The following ESCO2 variants were observed in gnomAD, a reference collection of about 807,000 sequenced individuals.
ESCO2 encodes N-acetyltransferase ESCO2.
ESCO2 carries 51 observed loss-of-function variants against 61.7 expected under a neutral mutation model. That is an observed-to-expected ratio of 0.83 (90% CI 0.66 to 1.04). The LOEUF (loss-of-function observed/expected upper bound fraction) is 1.04. ESCO2 is among the 50% of genes least tolerant of loss of function. ESCO2 has a pLI of 0.00. For synonymous variants in ESCO2, 230 were observed against 238.2 expected (o/e 0.97, Z 0.32); for missense variants, 692 against 686.2 (o/e 1.01, Z -0.09).
At chr8:27,807,896 G>A (rs914834951), downstream of ESCO2, among the ~76,000 whole-genome samples, 4 of 152,042 alleles carry the variant, frequency 2.6e-5, no homozygotes, top group African/African-American at 4.8e-5. Context: ...ATAGAGGGTC[G>A]GGGAGCTCCC....
Position 27,804,142 on chromosome 8 carries a change from A to G in ESCO2, c.*704A>G. On this transcript the variant is annotated 3_prime_UTR_variant, in exon 11 of 11. Coordinates refer to ENST00000305188, the MANE Select transcript of ESCO2 (RefSeq NM_001017420.3). ...TTTATTTGTAACAAGATGGTAAGGA[A>G]TAAGATTATCCCATATGCATTTCTG... The G allele has an allele frequency of 1.0e-6, 1 of 985,418 alleles. No homozygotes were observed. The highest frequency in any genetic ancestry group is 1.2e-6 in the Non-Finnish European group (1 of 829,908). 61.0% of individuals were successfully genotyped at this position (985,418 alleles called of 1,614,324 possible).
At chr8:27,809,369 C>T (rs1205967289), downstream of ESCO2, among the ~76,000 whole-genome samples, 3 of 152,144 alleles carry the variant, frequency 2.0e-5, no homozygotes, top group Non-Finnish European at 4.4e-5. Context: ...GCAGTTGTTC[C>T]TAATGTTTCT....
At chr8:27,799,836 G>A in intron 10 of ESCO2, 120 bp downstream of exon 10, 1 of 1,206,198 alleles carries the variant, frequency 8.3e-7, no homozygotes, top group Non-Finnish European at 1.2e-6. Flanking sequence ...TACTATTAAA[G>A]TCAGGCTAAG....
At chr8:27,783,556 T>C (rs1306036740) in intron 4 of ESCO2, among the ~76,000 whole-genome samples, 1 of 152,182 alleles carries the variant, frequency 6.6e-6, no homozygotes, top group Non-Finnish European at 1.5e-5. Context: ...TCATGAAGAT[T>C]TTTCCCTAAT....
downstream of ESCO2, chr8:27,810,470 A>T: frequency 6.2e-7 from 1 of 1,603,136 alleles, no homozygotes; most frequent in Non-Finnish European, 8.5e-7. Context: ...AGTATGCTTC[A>T]TCATCAAAAT....
chr8:27,791,906 T>A, intron 7 of ESCO2, 57 bp from the exon 8 acceptor site: 1 of 1,415,872 alleles, frequency 7.1e-7, no homozygotes, highest in Non-Finnish European at 9.9e-7. Context: ...TTATTTAATG[T>A]TGGTTTTTTT....
chr8:27,804,878 C>T lies in ESCO2; in HGVS notation c.*1440C>T, dbSNP rs1805527295. ...TTTGCTTAATGCTTTTGTTATGAAT[C>T]AATTAAAATTCTTTATTTTATACAA... is the stretch of plus-strand genomic sequence containing the variant. On this transcript the variant is annotated 3_prime_UTR_variant, in exon 11 of 11. Transcript: ENST00000305188. 1 of 545,654 alleles carries T rather than the reference C, an allele frequency of 1.8e-6. No homozygotes were observed. The highest frequency in any genetic ancestry group is 2.3e-6 in the Non-Finnish European group (1 of 428,458). 33.8% of individuals were successfully genotyped at this position (545,654 alleles called of 1,614,324 possible).
At chr8:27,777,311 ATTTAT>A (rs1270083581) in intron 3 of ESCO2, 142 bp downstream of exon 3, 1 of 777,432 alleles carries the variant, frequency 1.3e-6, no homozygotes, top group Admixed American at 3.2e-5. Context: ...GAGTTTATTT[ATTTAT>A]TTATTTTAAG....
chr8:27,810,707 T>C (rs917091660), downstream of ESCO2, among the ~76,000 whole-genome samples: 2 of 152,156 alleles, frequency 1.3e-5, no homozygotes, highest in African/African-American at 4.8e-5. Flanking sequence ...CCCCTACTTT[T>C]ACCCTTCCTG....
At chr8:27,787,356 A>C (rs114321936) in intron 5 of ESCO2, among the ~76,000 whole-genome samples, 1 of 151,444 alleles carries the variant, frequency 6.6e-6, no homozygotes. Context: ...AGAATTTCAC[A>C]GTAGTGAGAT....
chr8:27,817,473 G>T (rs1364626827), downstream of ESCO2, among the ~76,000 whole-genome samples: 1 of 151,860 alleles, frequency 6.6e-6, no homozygotes, highest in African/African-American at 2.4e-5. Flanking sequence ...CAGATTTAAT[G>T]TGTTAGTATC....
downstream of ESCO2, chr8:27,810,128 AG>A: frequency 1.8e-6 from 1 of 570,182 alleles, no homozygotes; most frequent in Non-Finnish European, 3.1e-6. Flanking sequence ...TACAATTCCA[AG>A]TGCTTATAGC....
rs1042167898 is a variant in ESCO2 at position 27,776,623 on chromosome 8, T to G, written c.315T>G (p.Ser105Arg). The change falls in exon 3 of 11, where the codon AGT (serine) becomes AGG (arginine). Residue 105 changes from serine (S) to arginine (R), a missense_variant. Transcript: ENST00000305188. ...TGGAGAGAAAGCTGATAAAAGAGAG[T>G]AGATCTACTTGTCTAAAAACTAATG... Reference protein sequence around the residue: ...NPLERKLIKESRSTCLKTNDE... With the variant: ...NPLERKLIKERRSTCLKTNDE... 6.2e-7 allele frequency: 1 copy of G among 1,613,838 alleles called. No individual in the cohort carries two copies. The highest frequency in any genetic ancestry group is 1.3e-5 in the African/African-American group (1 of 74,932).
intron 3 of ESCO2, chr8:27,778,935 AG>A (rs1284196404): frequency 1.3e-5 from 2 of 152,226 alleles, no homozygotes; most frequent in Admixed American, 1.3e-4. Flanking sequence ...TTTTATTTTG[AG>A]ATGGAGTCTC....
downstream of ESCO2, among the ~76,000 whole-genome samples, chr8:27,813,392 C>T (rs1805737499): frequency 6.6e-6 from 1 of 151,868 alleles, no homozygotes; most frequent in Non-Finnish European, 1.5e-5. Flanking sequence ...AGCAAACCAA[C>T]ATGGCACATG....
At chr8:27,809,240 A>G (rs1191298503), downstream of ESCO2, among the ~76,000 whole-genome samples, 1 of 152,146 alleles carries the variant, frequency 6.6e-6, no homozygotes, top group East Asian at 1.9e-4. Flanking sequence ...ACAACTTCCA[A>G]TTTACTTGTC....
intron 10 of ESCO2, among the ~76,000 whole-genome samples, chr8:27,800,332 A>C (rs893390929): frequency 5.9e-5 from 9 of 152,250 alleles, no homozygotes; most frequent in Non-Finnish European, 1.0e-4. Flanking sequence ...TTCAGTAGAC[A>C]TTTCTCCAAA....
chr8:27,816,609 C>T (rs1360243914), downstream of ESCO2, among the ~76,000 whole-genome samples: 5 of 151,778 alleles, frequency 3.3e-5, no homozygotes, highest in East Asian at 7.7e-4. Flanking sequence ...ATCTCCTGAC[C>T]TCATGATTTG....
chr8:27,775,291 A>G (rs961058645), intron 1 of ESCO2, among the ~76,000 whole-genome samples: 2 of 152,184 alleles, frequency 1.3e-5, no homozygotes, highest in Non-Finnish European at 2.9e-5. Flanking sequence ...AAAATGTCTT[A>G]AATGGACTAT....
Sources: gnomAD v4.1 joint callset for allele counts (sites outside exome capture counted in the v4.1 genomes callset) on GRCh38, gnomAD v4.1.1 for gene constraint, MANE v1.5 for transcripts, NCBI Gene and HGNC (gene_info 2026-07-23, HGNC 2026-07-21) for gene names.